Variants in UNC5D observed in about 807,000 individuals in gnomAD.
UNC5D encodes the protein netrin receptor UNC5D.
Under a neutral mutation model 105.4 loss-of-function variants are expected in UNC5D, and 39 were observed. The observed-to-expected ratio is 0.37, with a 90% CI of 0.29 to 0.48. The LOEUF (loss-of-function observed/expected upper bound fraction) is 0.48, where lower values mean the gene tolerates loss of function less well. Ranked by LOEUF, UNC5D falls within the 20% of genes least tolerant of loss-of-function variation. The pLI is 0.98. For synonymous variants in UNC5D, 452 were observed against 450.4 expected, an observed-to-expected ratio of 1.00 and a Z score of -0.04; for missense variants, 991 against 1,202.4, an observed-to-expected ratio of 0.82 and a Z score of 2.60.
chr8:35,464,774 G>A (rs1809174328), intron 1 of UNC5D, among the ~76,000 whole-genome samples: 1 of 151,938 alleles, frequency 6.6e-6, no homozygotes, highest in African/African-American at 2.4e-5. Flanking sequence ...CCTAACCCTG[G>A]CCATCTCCCA....
At chr8:35,626,439 T>A (rs1295754373) in intron 4 of UNC5D, among the ~76,000 whole-genome samples, 1 of 152,224 alleles carries the variant, frequency 6.6e-6, no homozygotes, top group Non-Finnish European at 1.5e-5. Flanking sequence ...ATTAGCTATA[T>A]GCATATATGA....
chr8:35,235,824 G>A lies in UNC5D; in HGVS notation c.40G>A (p.Ala14Thr), dbSNP rs1802415936. The stretch of plus-strand genomic sequence containing the variant: ...GGCCACCGCAGGCGGCGGCGGAGGG[G>A]CGCGCCGCTGGCTCCCGTGGCTGGG... The part of the protein sequence containing the change: ...AAATAGGGGG[A>T]RRWLPWLGLC... Residue 14 changes from alanine (A) to threonine (T), a missense_variant, in exon 1 of 17, where the codon GCG (alanine) becomes ACG (threonine). Around this residue, in one of 3 missense-constraint regions of UNC5D, gnomAD observed 944 missense variants for 1,131.6 expected, o/e 0.83. Transcript: ENST00000404895. 1 of 1,230,242 alleles carries A rather than the reference G, an allele frequency of 8.1e-7. No homozygotes were observed. The highest frequency in any genetic ancestry group is 1.0e-6 in the Non-Finnish European group (1 of 986,658). The allele number at this position is 1,230,242 out of a possible 1,614,324, so 76.2% of individuals were successfully genotyped here. A position where few individuals can be genotyped will look rare whatever the true frequency, so the allele number is the denominator to read the frequency against.
At chr8:35,279,869 C>T (rs1164257938) in intron 1 of UNC5D, among the ~76,000 whole-genome samples, 1 of 152,128 alleles carries the variant, frequency 6.6e-6, no homozygotes, top group African/African-American at 2.4e-5. Flanking sequence ...ATAGACTTGG[C>T]CTTGTATAAT....
At chr8:35,286,591 T>C (rs1269628512) in intron 1 of UNC5D, among the ~76,000 whole-genome samples, 1 of 152,168 alleles carries the variant, frequency 6.6e-6, no homozygotes, top group Non-Finnish European at 1.5e-5. Context: ...ACACAATATC[T>C]GGTCCTGCCC....
chr8:35,339,714 G>A (rs562815090), intron 1 of UNC5D, among the ~76,000 whole-genome samples: 10 of 152,286 alleles, frequency 6.6e-5, no homozygotes, highest in African/African-American at 2.4e-4. Context: ...GCTCTCAAAA[G>A]CAAGAACTCC....
intron 14 of UNC5D, among the ~76,000 whole-genome samples, chr8:35,764,530 A>G (rs1026051808): frequency 2.0e-5 from 3 of 152,196 alleles, no homozygotes; most frequent in Non-Finnish European, 2.9e-5. Context: ...AGTGCATATG[A>G]TGATACAAGT....
At chr8:35,674,703 T>C (rs1490934501) in intron 4 of UNC5D, among the ~76,000 whole-genome samples, 11 of 152,166 alleles carry the variant, frequency 7.2e-5, no homozygotes, top group African/African-American at 2.4e-4. Flanking sequence ...GTCTAAAGGC[T>C]TCCTCGTGCT....
At chr8:35,642,074 CT>C (rs1822785588) in intron 4 of UNC5D, among the ~76,000 whole-genome samples, 1 of 152,138 alleles carries the variant, frequency 6.6e-6, no homozygotes, top group Non-Finnish European at 1.5e-5. Flanking sequence ...CTCCCCCTGC[CT>C]CTCTGACCTG....
intron 4 of UNC5D, among the ~76,000 whole-genome samples, chr8:35,647,671 C>G (rs1259851250): frequency 6.6e-6 from 1 of 152,074 alleles, no homozygotes; most frequent in Non-Finnish European, 1.5e-5. Flanking sequence ...ATACAATCAC[C>G]AGTATTCTTA....
intron 1 of UNC5D, among the ~76,000 whole-genome samples, chr8:35,440,822 A>C (rs1807345621): frequency 1.3e-5 from 2 of 151,858 alleles, no homozygotes; most frequent in South Asian, 4.1e-4. Flanking sequence ...GATGAGTGCT[A>C]TTTTTGTCTT....
intron 4 of UNC5D, among the ~76,000 whole-genome samples, chr8:35,595,865 A>G (rs1268571995): frequency 1.3e-5 from 2 of 152,212 alleles, no homozygotes; most frequent in Admixed American, 1.3e-4. Context: ...GTGTTTGCAC[A>G]AGGCCCTTGG....
At chr8:35,742,592 G>A (rs1335615462) in intron 11 of UNC5D, among the ~76,000 whole-genome samples, 1 of 152,142 alleles carries the variant, frequency 6.6e-6, no homozygotes, top group Non-Finnish European at 1.5e-5. Context: ...GGAAAGGAGG[G>A]AATGGTAATT....
chr8:35,567,382 C>T (rs376729548), intron 2 of UNC5D, among the ~76,000 whole-genome samples: 13 of 152,224 alleles, frequency 8.5e-5, no homozygotes, highest in South Asian at 4.1e-4. Flanking sequence ...TGGCTGGGCA[C>T]GGTGGCTTAC....
At chr8:35,749,354 A>C (rs1830153708) in intron 12 of UNC5D, among the ~76,000 whole-genome samples, 1 of 152,084 alleles carries the variant, frequency 6.6e-6, no homozygotes, top group African/African-American at 2.4e-5. Flanking sequence ...GAAAGCTCTG[A>C]TTTTTCTGCC....
At chr8:35,601,090 G>T (rs1819846924) in intron 4 of UNC5D, among the ~76,000 whole-genome samples, 1 of 152,202 alleles carries the variant, frequency 6.6e-6, no homozygotes, top group South Asian at 2.1e-4. Context: ...TGTCAGGTTT[G>T]TCAAAGATCA....
intron 11 of UNC5D, among the ~76,000 whole-genome samples, chr8:35,740,366 G>A (rs1829699114): frequency 1.3e-5 from 2 of 152,214 alleles, no homozygotes; most frequent in South Asian, 2.1e-4. Context: ...TCATGCTGCT[G>A]GCTTGAAGAA....
chr8:35,485,707 C>T (rs973698156), intron 1 of UNC5D, among the ~76,000 whole-genome samples: 2 of 152,184 alleles, frequency 1.3e-5, no homozygotes, highest in Non-Finnish European at 2.9e-5. Context: ...CTGGTTCCCC[C>T]TTTTGCTAGC....
At chr8:35,602,392 AC>A (rs1176147903) in intron 4 of UNC5D, among the ~76,000 whole-genome samples, 3 of 152,050 alleles carry the variant, frequency 2.0e-5, no homozygotes, top group African/African-American at 4.8e-5. Flanking sequence ...TCCTCCTTGT[AC>A]CTCTGGTAGA....
At chr8:35,661,242 A>T (rs1456188180) in intron 4 of UNC5D, among the ~76,000 whole-genome samples, 1 of 152,160 alleles carries the variant, frequency 6.6e-6, no homozygotes, top group Non-Finnish European at 1.5e-5. Flanking sequence ...GTAGAGAGGC[A>T]TTTATTGGAA....
Sources: allele counts gnomAD v4.1 joint callset (sites outside exome capture counted in the v4.1 genomes callset), GRCh38; gene constraint gnomAD v4.1.1; regional missense constraint gnomAD v4.1.1; transcripts MANE v1.5; gene names NCBI Gene and HGNC (gene_info 2026-07-23, HGNC 2026-07-21).